The following MEGF10 variants were observed in gnomAD, a reference collection of about 807,000 sequenced individuals.
MEGF10 encodes multiple epidermal growth factor-like domains protein 10.
In MEGF10, 86 loss-of-function variants were observed where a neutral mutation model predicts 147.5. The observed-to-expected ratio is 0.58, with a 90% CI of 0.49 to 0.70. MEGF10 has a LOEUF of 0.70. MEGF10 is among the 30% of genes least tolerant of loss of function. The probability of loss-of-function intolerance (pLI) is 0.00; values close to 1 mark genes in which losing one functional copy is unlikely to be tolerated. For missense variants in MEGF10, 1,329 were observed against 1,487.3 expected, an observed-to-expected ratio of 0.89 and a Z score of 1.75; for synonymous variants, 478 against 525.5, an observed-to-expected ratio of 0.91 and a Z score of 1.24.
At chr5:127,451,144 G>A (rs1299211453) in intron 22 of MEGF10, among the ~76,000 whole-genome samples, 2 of 152,198 alleles carry the variant, frequency 1.3e-5, no homozygotes, top group East Asian at 1.9e-4. Context: ...GGCACAGAGA[G>A]GTTAACCCTC....
rs188795717 is a variant in MEGF10, at chr5:127,385,706, C to T, written c.413-10826C>T. ...GAGTTCTAAGATTTGATATGTTATC[C>T]CACTGTAAGTATCTGGTAGAGATGT... On this transcript the variant is annotated intron_variant, in intron 5 of 24. Coordinates refer to ENST00000503335, the MANE Select transcript of MEGF10 (RefSeq NM_001256545.2). Among the ~76,000 whole-genome samples the T allele has an allele frequency of 3.9e-4, 59 of 152,286 alleles. 1 individual carries two copies. In the East Asian group the frequency reaches 7.7e-3, roughly 20 times the overall value.
At chr5:127,373,155 TTTTTG>T (rs1762904247) in intron 5 of MEGF10, among the ~76,000 whole-genome samples, 1 of 152,192 alleles carries the variant, frequency 6.6e-6, no homozygotes, top group East Asian at 1.9e-4. Context: ...TTGTGTCTTT[TTTTTG>T]TTTTGTTTTT....
At chr5:127,386,134 T>C (rs1355439687) in intron 5 of MEGF10, among the ~76,000 whole-genome samples, 1 of 152,028 alleles carries the variant, frequency 6.6e-6, no homozygotes, top group Non-Finnish European at 1.5e-5. Flanking sequence ...AAACAAACAA[T>C]AAAAAACACC....
intron 5 of MEGF10, among the ~76,000 whole-genome samples, chr5:127,388,719 G>T (rs988488908): frequency 6.7e-6 from 1 of 150,210 alleles, no homozygotes; most frequent in Non-Finnish European, 1.5e-5. Context: ...CTAATTTTTT[G>T]TATTTTTAGT....
chr5:127,312,001 T>C lies in MEGF10; in HGVS notation c.-18-19290T>C, dbSNP rs184511940. Among the ~76,000 whole-genome samples the C allele has an allele frequency of 3.3e-5, 5 of 152,268 alleles. No homozygotes were observed. In the East Asian group the frequency reaches 9.7e-4, roughly 29 times the overall value. On this transcript the variant is annotated intron_variant, in intron 1 of 24. Transcript: ENST00000503335. ...ATTACCGCAGGAGCTAGGAAATGCT[T>C]TAAATCAGCAGCATCCCATCACAAC...
chr5:127,417,868 A>T (rs887113288), intron 10 of MEGF10, 56 bp downstream of exon 10: 6 of 1,538,194 alleles, frequency 3.9e-6, no homozygotes, highest in Admixed American at 4.1e-5. Flanking sequence ...GAAGCATCTC[A>T]ATACCATGAT....
chr5:127,322,330 C>T (rs1760821747), intron 1 of MEGF10, among the ~76,000 whole-genome samples: 1 of 152,230 alleles, frequency 6.6e-6, no homozygotes, highest in Admixed American at 6.5e-5. Context: ...TTCAAACAAT[C>T]CTGCCTCTTT....
chr5:127,265,827 C>G, the MEGF10 span, among the ~76,000 whole-genome samples: 35 of 152,016 alleles, frequency 2.3e-4, no homozygotes, highest in Non-Finnish European at 4.0e-4. Context: ...TTAGCCCTTT[C>G]TCAGATGAGT....
chr5:127,432,231 T>C (rs1443606875), intron 13 of MEGF10, among the ~76,000 whole-genome samples: 1 of 152,232 alleles, frequency 6.6e-6, no homozygotes, highest in Non-Finnish European at 1.5e-5. Flanking sequence ...TGGATCTTCT[T>C]GCTATTCCAG....
At chr5:127,417,601 C>T (rs1272734774) in intron 9 of MEGF10, 37 bp from the exon 10 acceptor site, 2 of 1,610,554 alleles carry the variant, frequency 1.2e-6, no homozygotes, top group East Asian at 2.2e-5. Context: ...TCATGTTTAC[C>T]CCAAAGTGAC....
chr5:127,299,521 C>A (rs1231739927), intron 1 of MEGF10, among the ~76,000 whole-genome samples: 1 of 152,210 alleles, frequency 6.6e-6, no homozygotes, highest in African/African-American at 2.4e-5. Flanking sequence ...CTGAGCCCAA[C>A]AATTGCTTAC....
At chr5:127,345,891 G>A (rs534831688) in intron 4 of MEGF10, among the ~76,000 whole-genome samples, 78 of 152,110 alleles carry the variant, frequency 5.1e-4, no homozygotes, top group Non-Finnish European at 9.1e-4. Context: ...CGTATCATTC[G>A]TATGCCTTTG....
intron 6 of MEGF10, 132 bp downstream of exon 6, chr5:127,396,910 G>A: frequency 7.4e-7 from 1 of 1,343,850 alleles, no homozygotes; most frequent in Admixed American, 2.3e-5. Flanking sequence ...CTAGGCTGCA[G>A]GCACAGTTAT....
At position 127,417,839 on chromosome 5, in the gene MEGF10, G is replaced by A. The variant is rs753066360; in HGVS notation, c.1305+27G>A. 3 of 1,607,992 alleles carry A rather than the reference G, an allele frequency of 1.9e-6. No individual in the cohort carries two copies. The South Asian group carries it at 3.3e-5, about 18-fold the overall frequency. The stretch of plus-strand genomic sequence containing the variant: ...TGAGTGACTAGGGCTCTGGAGGAAG[G>A]AGAAGAGGGGTGCAGTGTGAAGCAT... On this transcript the variant is annotated intron_variant, in intron 10 of 24. Coordinates refer to ENST00000503335, the MANE Select transcript of MEGF10 (RefSeq NM_001256545.2).
intron 1 of MEGF10, among the ~76,000 whole-genome samples, chr5:127,319,583 T>A (rs1561568535): frequency 6.6e-6 from 1 of 152,184 alleles, no homozygotes; most frequent in Non-Finnish European, 1.5e-5. Context: ...CCATCAGCTC[T>A]TTCACATGGC....
At chr5:127,394,825 T>C (rs1418291891) in intron 5 of MEGF10, among the ~76,000 whole-genome samples, 2 of 152,200 alleles carry the variant, frequency 1.3e-5, no homozygotes, top group Non-Finnish European at 2.9e-5. Flanking sequence ...GGTTCAATAA[T>C]TCTCTCTCAT....
the MEGF10 span, among the ~76,000 whole-genome samples, chr5:127,243,166 G>A: frequency 7.2e-5 from 11 of 152,108 alleles, no homozygotes; most frequent in Admixed American, 6.6e-4. Flanking sequence ...GACATCCTGT[G>A]CTTCCAGAAT....
chr5:127,257,418 CAG>C, the MEGF10 span, among the ~76,000 whole-genome samples: 1 of 151,200 alleles, frequency 6.6e-6, no homozygotes, highest in African/African-American at 2.4e-5. Flanking sequence ...GGGGGAAGGT[CAG>C]AGAGACTGGT....
At chr5:127,317,482 T>A (rs900287062) in intron 1 of MEGF10, among the ~76,000 whole-genome samples, 5 of 152,310 alleles carry the variant, frequency 3.3e-5, no homozygotes, top group Non-Finnish European at 7.4e-5. Context: ...CTTGAATTAA[T>A]TTTTTTATAA....
Sources: gnomAD v4.1 joint callset for allele counts (sites outside exome capture counted in the v4.1 genomes callset) on GRCh38, gnomAD v4.1.1 for gene constraint, MANE v1.5 for transcripts, NCBI Gene and HGNC (gene_info 2026-07-23, HGNC 2026-07-21) for gene names.